SNTG1: variants seen among roughly 807,000 people sequenced by gnomAD.
SNTG1 encodes the protein syntrophin gamma 1, also known as gamma-1-syntrophin.
Under a neutral mutation model 74.7 loss-of-function variants are expected in SNTG1, and 39 were observed. The ratio of observed to expected loss-of-function variants is 0.52; its 90% CI spans 0.40 to 0.68. SNTG1 has a LOEUF of 0.68. Among genes scored for constraint, SNTG1 ranks in the 30% least tolerant of loss-of-function variants. The probability of loss-of-function intolerance (pLI) is 0.00; values close to 1 mark genes in which losing one functional copy is unlikely to be tolerated. For missense variants in SNTG1, 685 were observed against 609.5 expected (o/e 1.12, Z -1.30); for synonymous variants, 254 against 217.1 (o/e 1.17, Z -1.49).
At chr8:50,460,749 C>A (rs1323169489) in intron 8 of SNTG1, among the ~76,000 whole-genome samples, 1 of 152,000 alleles carries the variant, frequency 6.6e-6, no homozygotes, top group East Asian at 1.9e-4. Flanking sequence ...GGAGTCCTTT[C>A]TTGATTGTTT....
chr8:50,478,554 T>G (rs1158136732), intron 8 of SNTG1, among the ~76,000 whole-genome samples: 1 of 152,210 alleles, frequency 6.6e-6, no homozygotes, highest in African/African-American at 2.4e-5. Context: ...ATTTCTGGGA[T>G]AACTCCTCTT....
At chr8:50,618,769 C>T (rs998476093) in intron 13 of SNTG1, among the ~76,000 whole-genome samples, 7 of 146,826 alleles carry the variant, frequency 4.8e-5, no homozygotes, top group Non-Finnish European at 9.0e-5. Context: ...TTACAGACCA[C>T]CCTCAATTCT....
chr8:50,688,946 G>A (rs1045169729), intron 15 of SNTG1, among the ~76,000 whole-genome samples: 8 of 152,144 alleles, frequency 5.3e-5, no homozygotes, highest in Non-Finnish European at 1.0e-4. Flanking sequence ...GCAGTGGTTT[G>A]TAGTTCTCCT....
At chr8:50,724,314 G>A (rs1014095308) in intron 17 of SNTG1, among the ~76,000 whole-genome samples, 2 of 152,154 alleles carry the variant, frequency 1.3e-5, no homozygotes, top group South Asian at 2.1e-4. Context: ...GGTGGGTGTC[G>A]GAGACATATT....
intron 4 of SNTG1, among the ~76,000 whole-genome samples, chr8:50,418,324 A>T (rs2093039111): frequency 6.6e-6 from 1 of 152,006 alleles, no homozygotes; most frequent in African/African-American, 2.4e-5. Flanking sequence ...TTTCTCCTAC[A>T]AATATTTTCT....
intron 17 of SNTG1, among the ~76,000 whole-genome samples, chr8:50,720,880 A>G (rs1490004780): frequency 6.6e-6 from 1 of 152,120 alleles, no homozygotes; most frequent in East Asian, 1.9e-4. Context: ...TTTTTTACCT[A>G]TGTGGTAAAA....
chr8:50,715,960 C>T (rs1374175941), intron 17 of SNTG1, among the ~76,000 whole-genome samples: 2 of 152,110 alleles, frequency 1.3e-5, no homozygotes, highest in Non-Finnish European at 2.9e-5. Context: ...TAGAATCTTT[C>T]AAGGTAAAAT....
chr8:49,945,988 T>C (rs1473842456), intron 1 of SNTG1, among the ~76,000 whole-genome samples: 4 of 152,218 alleles, frequency 2.6e-5, no homozygotes, highest in Admixed American at 6.5e-5. Context: ...TTAAATACCT[T>C]GCTCTCTAGG....
chr8:50,536,347 C>A (rs1327049448), intron 10 of SNTG1, among the ~76,000 whole-genome samples: 6 of 152,162 alleles, frequency 3.9e-5, no homozygotes, highest in Admixed American at 3.9e-4. Flanking sequence ...ATTATAGTTA[C>A]AGTTTTTTCC....
At chr8:50,665,092 T>C (rs538176745) in intron 15 of SNTG1, among the ~76,000 whole-genome samples, 15 of 152,282 alleles carry the variant, frequency 9.9e-5, no homozygotes, top group Admixed American at 7.9e-4. Flanking sequence ...TTTACATTTT[T>C]GATAAAATAT....
At chr8:49,919,798 G>A (rs1036930843) in intron 1 of SNTG1, among the ~76,000 whole-genome samples, 1 of 151,956 alleles carries the variant, frequency 6.6e-6, no homozygotes, top group Non-Finnish European at 1.5e-5. Flanking sequence ...ACACATGGTG[G>A]AGCCTGTTCC....
In SNTG1 at chr8:50,506,601, T is replaced by C. The variant is rs545823927; in HGVS notation, c.466+3721T>C. ...CTAATTATTCTTTTTGATGCTATTA[T>C]CAATAAAATTGTTTTTTTATTGTTA... On this transcript the variant is annotated intron_variant, in intron 9 of 18. Coordinates refer to ENST00000642720, the MANE Select transcript of SNTG1 (RefSeq NM_018967.5). Among the ~76,000 whole-genome samples the C allele has an allele frequency of 2.0e-5, 3 of 152,180 alleles. No homozygotes were observed. In the South Asian group the frequency reaches 6.2e-4, roughly 32 times the overall value.
chr8:50,769,316 T>A (rs1015594517), intron 18 of SNTG1, among the ~76,000 whole-genome samples: 4 of 152,052 alleles, frequency 2.6e-5, no homozygotes, highest in African/African-American at 9.7e-5. Flanking sequence ...TTGACAAAAG[T>A]AATCATCTAC....
intron 15 of SNTG1, among the ~76,000 whole-genome samples, chr8:50,659,792 C>T (rs887527333): frequency 2.0e-5 from 3 of 152,062 alleles, no homozygotes; most frequent in African/African-American, 4.8e-5. Context: ...AAAAGGAGAT[C>T]ATACACGACT....
At chr8:49,957,018 G>A (rs1005553022) in intron 1 of SNTG1, among the ~76,000 whole-genome samples, 2 of 152,188 alleles carry the variant, frequency 1.3e-5, no homozygotes, top group Non-Finnish European at 2.9e-5. Context: ...GAAATGGAGG[G>A]ACTTTGGTTA....
chr8:50,152,783 C>T (rs1182590904), intron 1 of SNTG1, among the ~76,000 whole-genome samples: 3 of 152,214 alleles, frequency 2.0e-5, no homozygotes, highest in Non-Finnish European at 4.4e-5. Context: ...AGCTGTTAGT[C>T]TGATGGGTTT....
Position 49,990,119 on chromosome 8 carries a change from G to T in SNTG1, c.-103+77888G>T, listed in dbSNP as rs1585793457. Among the ~76,000 whole-genome samples, 4 of 151,814 alleles carry T rather than the reference G, an allele frequency of 2.6e-5. No individual in the cohort carries two copies. The East Asian group carries it at 7.7e-4, about 29-fold the overall frequency. ...AAGGGTAATTAAGGGGAAGAAAAAA[G>T]AAATGAAAGAAAGAAATACAACTGT... On this transcript the variant is annotated intron_variant, in intron 1 of 18. Coordinates refer to ENST00000642720, the MANE Select transcript of SNTG1 (RefSeq NM_018967.5).
intron 17 of SNTG1, among the ~76,000 whole-genome samples, chr8:50,714,077 AGGT>A (rs1161851683): frequency 7.2e-6 from 1 of 137,976 alleles, no homozygotes; most frequent in African/African-American, 2.6e-5. Context: ...AAAAAAAAAA[AGGT>A]GGGGGGAGGG....
At chr8:50,146,244 G>T (rs2081859619) in intron 1 of SNTG1, among the ~76,000 whole-genome samples, 2 of 152,058 alleles carry the variant, frequency 1.3e-5, no homozygotes, top group Admixed American at 1.3e-4. Context: ...TTGGCCAGGT[G>T]TGGTGGCTCA....
Sources: gnomAD v4.1 joint callset for allele counts (sites outside exome capture counted in the v4.1 genomes callset) on GRCh38, gnomAD v4.1.1 for gene constraint, MANE v1.5 for transcripts, NCBI Gene and HGNC (gene_info 2026-07-23, HGNC 2026-07-21) for gene names.